Variants in SARS2 observed in about 807,000 individuals in gnomAD.
SARS2 encodes the protein seryl-tRNA synthetase 2, mitochondrial.
Under a neutral mutation model 66.8 loss-of-function variants are expected in SARS2, and 52 were observed. That is an observed-to-expected ratio of 0.78 (90% confidence interval 0.62 to 0.98). The LOEUF (loss-of-function observed/expected upper bound fraction) is 0.98, where lower values mean the gene tolerates loss of function less well. Among genes scored for constraint, SARS2 ranks in the 50% least tolerant of loss-of-function variants. The pLI, the probability that SARS2 is intolerant of heterozygous loss-of-function variation, is 0.00. For synonymous variants in SARS2, 306 were observed against 281.4 expected, an observed-to-expected ratio of 1.09 and a Z score of -0.87; for missense variants, 673 against 706.3, an observed-to-expected ratio of 0.95 and a Z score of 0.53.
intron 2 of SARS2, 97 bp downstream of exon 2, chr19:38,926,108 G>T: frequency 2.9e-6 from 3 of 1,047,024 alleles, no homozygotes; most frequent in Non-Finnish European, 4.4e-6. Flanking sequence ...GAGCCACCGT[G>T]CCAGCCTGTT....
In SARS2 at chr19:38,920,086, T is replaced by C. The variant is rs1453463021; in HGVS notation, c.653A>G (p.Lys218Arg). 3 of 1,559,404 alleles carry C rather than the reference T, an allele frequency of 1.9e-6. No homozygotes were observed. The highest frequency in any genetic ancestry group is 2.6e-6 in the Non-Finnish European group (3 of 1,151,148). The change falls in exon 6 of 16, where the codon AAG becomes AGG. Residue 218 changes from lysine to arginine, a missense_variant and splice_region_variant. Transcript: ENST00000221431. ...GTGGGGAGCCAGGGGAGGGGCTCAC[T>C]TCTGACGGATGATGTCGAGTTTCTC... ...IGEKLDIIRQ[K>R]RLSHVSGHRS...
At chr19:38,921,261 G>T in intron 5 of SARS2, 131 bp downstream of exon 5, 1 of 964,324 alleles carries the variant, frequency 1.0e-6, no homozygotes, top group Non-Finnish European at 1.6e-6. Flanking sequence ...GGAAGCTGGA[G>T]CCACCTCCTG....
Position 38,915,327 on chromosome 19 carries a change from G to T in SARS2, c.*279C>A. ...CACTGTAGGAGGAAAGAAGGAAGGAGGGATGGAAGCCTCTTCCTCTGCTTC... is the reference window on the plus strand; with the variant it reads ...CACTGTAGGAGGAAAGAAGGAAGGATGGATGGAAGCCTCTTCCTCTGCTTC... On this transcript the variant is annotated 3_prime_UTR_variant, in exon 16 of 16. Coordinates refer to ENST00000221431, the MANE Select transcript of SARS2 (RefSeq NM_017827.4). The T allele has an allele frequency of 1.8e-6, 1 of 551,032 alleles. No homozygotes were observed. Among genetic ancestry groups the T allele is most frequent in the South Asian group, 2.6e-5 (1 of 37,754 alleles). 34.1% of individuals were successfully genotyped at this position (551,032 alleles called of 1,614,324 possible).
Position 38,920,611 on chromosome 19 carries a change from G to A in SARS2, c.590-462C>T, listed in dbSNP as rs909183977. On this transcript the variant is annotated intron_variant, in intron 5 of 15. Coordinates refer to ENST00000221431, the MANE Select transcript of SARS2 (RefSeq NM_017827.4). ...CACACAGAGATACACACAGAGGTAC[G>A]AAGACACACACACATATACAGACAC... 2.0e-5 allele frequency among the ~76,000 whole-genome samples: 3 copies of A among 148,202 alleles called. No homozygotes were observed. In the East Asian group the frequency reaches 6.0e-4, roughly 30 times the overall value.
intron 9 of SARS2, 140 bp from the exon 10 acceptor site, chr19:38,918,279 AAAC>A: frequency 8.7e-7 from 1 of 1,151,474 alleles, no homozygotes; most frequent in East Asian, 2.5e-5. Flanking sequence ...GCTGTACAGT[AAAC>A]AACCTACACA....
intron 6 of SARS2, 69 bp from the exon 7 acceptor site, chr19:38,919,936 C>G (rs559993928): frequency 6.8e-6 from 10 of 1,469,316 alleles, no homozygotes; most frequent in South Asian, 2.3e-5. Context: ...TGAAAACACC[C>G]GGGGGAAGAG....
rs1486426958 is a variant in SARS2, at chr19:38,918,223, G to C, written c.917-84C>G. 1.8e-5 allele frequency: 25 copies of C among 1,427,892 alleles called. No individual in the cohort carries two copies. In the South Asian group the frequency reaches 2.6e-4, roughly 15 times the overall value. The allele number at this position is 1,427,892 out of a possible 1,614,324, so 88.5% of individuals were successfully genotyped here. A position where few individuals can be genotyped will look rare whatever the true frequency, so the allele number is the denominator to read the frequency against. Reference sequence around the variant, plus strand: ...AAGATTAAGAGGCACTCCCTCTGGTGGATGCAACCCCAGGTCAAGGCCCGG... The same window carrying C: ...AAGATTAAGAGGCACTCCCTCTGGTCGATGCAACCCCAGGTCAAGGCCCGG... On this transcript the variant is annotated intron_variant, in intron 9 of 15. Transcript: ENST00000221431.
At chr19:38,920,034 C>T (rs74342480) in intron 6 of SARS2, 52 bp downstream of exon 6, 20 of 1,496,892 alleles carry the variant, frequency 1.3e-5, no homozygotes, top group African/African-American at 2.8e-5. Flanking sequence ...AGCCAGCTGT[C>T]GGGGTGCAGG....
intron 1 of SARS2, among the ~76,000 whole-genome samples, chr19:38,929,198 C>CA (rs1041815503): frequency 4.9e-4 from 72 of 146,840 alleles, no homozygotes; most frequent in Non-Finnish European, 6.0e-4. Flanking sequence ...AACTCCATCT[C>CA]AAAAAAAAAA....
In SARS2 at chr19:38,930,723, A is replaced by C. The variant is rs538446780; in HGVS notation, c.14T>G (p.Met5Arg). ...CAGCAAAGGCCACAAGCGCCGCGCC[A>C]TGGACGCAGCCATCTTGGACCGGGA... MAAS[M>R]ARRLWPLLTR... is the part of the protein sequence containing the mutation. Residue 5 changes from methionine (M) to arginine (R), a missense_variant, in exon 1 of 16, where the codon ATG (methionine) becomes AGG (arginine). Physicochemically the swap from Met to Arg is moderately conservative, Grantham distance 91 (BLOSUM62 -1). Transcript: ENST00000221431. 2 of 1,613,496 alleles carry C rather than the reference A, an allele frequency of 1.2e-6. No homozygotes were observed. The highest frequency in any genetic ancestry group is 2.7e-5 in the African/African-American group (2 of 75,064).
chr19:38,916,346 C>A, intron 12 of SARS2, 32 bp from the exon 13 acceptor site: 1 of 1,589,992 alleles, frequency 6.3e-7, no homozygotes, highest in South Asian at 1.1e-5. Context: ...TGGGGAAGGT[C>A]AGCGGGTGAG....
chr19:38,930,572 G>A lies in SARS2; in HGVS notation c.165C>T (p.Leu55=). 1 of 1,613,992 alleles carries A rather than the reference G, an allele frequency of 6.2e-7. No homozygotes were observed. Among genetic ancestry groups the A allele is most frequent in the Non-Finnish European group, 8.5e-7 (1 of 1,180,014 alleles). The change falls in exon 1 of 16, where the codon CTC becomes CTT. Residue 55 remains leucine, a synonymous_variant. Coordinates refer to ENST00000221431, the MANE Select transcript of SARS2 (RefSeq NM_017827.4). ...AGAACCGCTCTATGTCCAGCTGAGG[G>A]AGTGCGCTGTAGCCCTCGCGCGCAT... ...YEYAREGYSA[L]PQLDIERFCA...
intron 3 of SARS2, 89 bp from the exon 4 acceptor site, chr19:38,921,756 T>C (rs1974541563): frequency 6.5e-7 from 1 of 1,545,498 alleles, no homozygotes; most frequent in African/African-American, 1.4e-5. Context: ...AGAGCCCCTG[T>C]GGTGGACATT....
intron 7 of SARS2, 91 bp downstream of exon 7, chr19:38,919,654 GAGAGCAGTGACTAGGGC>G: frequency 1.2e-6 from 1 of 848,712 alleles, no homozygotes; most frequent in South Asian, 1.4e-5. Flanking sequence ...ATGAAGCTCT[GAGAGCAGTGACTAGGGC>G]AGAGCAGAGA....
chr19:38,926,430 T>G, intron 1 of SARS2, 130 bp from the exon 2 acceptor site: 1 of 761,460 alleles, frequency 1.3e-6, no homozygotes, highest in East Asian at 2.7e-5. Context: ...GTGGCCATCC[T>G]CCCCTCCTCC....
intron 9 of SARS2, 104 bp from the exon 10 acceptor site, chr19:38,918,243 G>A: frequency 2.3e-6 from 3 of 1,283,910 alleles, no homozygotes; most frequent in Non-Finnish European, 3.3e-6. Context: ...CCAGGTCAAG[G>A]CCCGGGGCTG....
intron 1 of SARS2, among the ~76,000 whole-genome samples, chr19:38,928,930 C>A (rs532522737): frequency 6.6e-6 from 1 of 152,148 alleles, no homozygotes; most frequent in Non-Finnish European, 1.5e-5. Context: ...TGTTAAATGT[C>A]TTTTAGTGGG....
In SARS2 at chr19:38,920,962, CAG is replaced by C. The variant is rs780412051; in HGVS notation, c.589+428_589+429del. ...AGACACACACACACAGACACAGACA[CAG>C]ATACAGACACACACAAACACAGACA... On this transcript the variant is annotated intron_variant, in intron 5 of 15. Coordinates refer to ENST00000221431, the MANE Select transcript of SARS2 (RefSeq NM_017827.4). 1.0e-4 allele frequency among the ~76,000 whole-genome samples: 10 copies of C among 96,568 alleles called. No individual in the cohort carries two copies. The South Asian group carries it at 3.0e-3, about 29-fold the overall frequency. 63.4% of individuals were successfully genotyped at this position (96,568 alleles called of 152,430 possible).
In SARS2 at chr19:38,915,624, G is replaced by C. The variant is rs749749393; in HGVS notation, c.1539C>G (p.Gly513=). 1 of 1,612,666 alleles carries C rather than the reference G, an allele frequency of 6.2e-7. No individual in the cohort carries two copies. The highest frequency in any genetic ancestry group is 2.2e-5 in the East Asian group (1 of 44,882). Residue 513 remains glycine (G), a synonymous_variant, in exon 16 of 16, where the codon GGC becomes GGG. Transcript: ENST00000221431. Reference sequence around the variant, plus strand: ...TGGGTTCTTAGCTTACAGCAGGCTGGCCAGGCAGCCCAGGCTTCCGGGGCT... The same window carrying C: ...TGGGTTCTTAGCTTACAGCAGGCTGCCCAGGCAGCCCAGGCTTCCGGGGCT... ...PNQPRKPGLP[G]QPAVS
Sources: gnomAD v4.1 joint callset for allele counts (sites outside exome capture counted in the v4.1 genomes callset) on GRCh38, gnomAD v4.1.1 for gene constraint, MANE v1.5 for transcripts, NCBI Gene and HGNC (gene_info 2026-07-23, HGNC 2026-07-21) for gene names.